Variants in SH3PXD2A observed in about 807,000 individuals in gnomAD.
The protein encoded by SH3PXD2A is SH3 and PX domain-containing protein 2A.
In SH3PXD2A, 32 loss-of-function variants were observed where a neutral mutation model predicts 115.2. The observed-to-expected ratio is 0.28, with a 90% confidence interval of 0.21 to 0.37. The LOEUF is 0.37. Among genes scored for constraint, SH3PXD2A ranks in the 10% least tolerant of loss-of-function variants. The pLI, the probability that SH3PXD2A is intolerant of heterozygous loss-of-function variation, is 1.00. For missense variants in SH3PXD2A, 1,328 were observed against 1,498.7 expected (o/e 0.89, Z 1.88); for synonymous variants, 610 against 629.1 (o/e 0.97, Z 0.45).
chr10:103,748,600 G>C (rs1195610307), intron 3 of SH3PXD2A, among the ~76,000 whole-genome samples: 4 of 152,222 alleles, frequency 2.6e-5, no homozygotes, highest in African/African-American at 9.6e-5. Flanking sequence ...ACACGCAGGA[G>C]GGAGACAGGG....
chr10:103,770,765 G>C (rs1456662737), intron 2 of SH3PXD2A, among the ~76,000 whole-genome samples: 1 of 152,164 alleles, frequency 6.6e-6, no homozygotes, highest in Non-Finnish European at 1.5e-5. Context: ...TATCCTGGTG[G>C]TGGGATATTG....
At chr10:103,634,767 A>C (rs989857832) in intron 8 of SH3PXD2A, among the ~76,000 whole-genome samples, 10 of 152,180 alleles carry the variant, frequency 6.6e-5, no homozygotes, top group Non-Finnish European at 1.3e-4. Flanking sequence ...AGGGGTATTC[A>C]GTCAGAAAGA....
chr10:103,734,934 G>A lies in SH3PXD2A; in HGVS notation c.306+798C>T, dbSNP rs536921864. Among the ~76,000 whole-genome samples, 8 of 152,288 alleles carry A rather than the reference G, an allele frequency of 5.3e-5. No individual in the cohort carries two copies. In the East Asian group the frequency reaches 7.7e-4, roughly 15 times the overall value. On this transcript the variant is annotated intron_variant, in intron 4 of 14. Transcript: ENST00000369774. ...AGCTCATTCCATCCTCATGACCACC[G>A]TGTGGAGGCACCCTGTGTGTTCTCC...
At chr10:103,646,073 T>G (rs2037032377) in intron 8 of SH3PXD2A, among the ~76,000 whole-genome samples, 1 of 152,012 alleles carries the variant, frequency 6.6e-6, no homozygotes, top group Non-Finnish European at 1.5e-5. Context: ...ATATAGGAGG[T>G]GCTTTAATAA....
chr10:103,760,219 G>A (rs1465859698), intron 3 of SH3PXD2A, among the ~76,000 whole-genome samples: 1 of 152,158 alleles, frequency 6.6e-6, no homozygotes, highest in African/African-American at 2.4e-5. Flanking sequence ...ATCTGAGCCC[G>A]TCTTGTCACA....
intron 3 of SH3PXD2A, among the ~76,000 whole-genome samples, chr10:103,753,153 G>T (rs2038598212): frequency 6.6e-6 from 1 of 151,584 alleles, no homozygotes; most frequent in South Asian, 2.1e-4. Context: ...GTACATCTTT[G>T]GTCAATCCCA....
intron 1 of SH3PXD2A, among the ~76,000 whole-genome samples, chr10:103,814,872 G>A (rs1157403034): frequency 6.6e-6 from 1 of 152,142 alleles, no homozygotes; most frequent in African/African-American, 2.4e-5. Flanking sequence ...AAAATGGGGT[G>A]GTGACTGAAA....
chr10:103,726,588 T>C (rs2038244265), intron 4 of SH3PXD2A, among the ~76,000 whole-genome samples: 1 of 152,106 alleles, frequency 6.6e-6, no homozygotes, highest in African/African-American at 2.4e-5. Flanking sequence ...AAGAAATGAA[T>C]GAAAAATGGA....
chr10:103,676,741 G>A (rs1287924513), intron 6 of SH3PXD2A, among the ~76,000 whole-genome samples: 4 of 152,046 alleles, frequency 2.6e-5, no homozygotes, highest in African/African-American at 7.2e-5. Context: ...CTTGGGTTGC[G>A]GCCTCCCCCT....
intron 10 of SH3PXD2A, among the ~76,000 whole-genome samples, chr10:103,619,149 T>G (rs1393965429): frequency 1.3e-5 from 2 of 152,202 alleles, no homozygotes; most frequent in East Asian, 3.8e-4. Context: ...TCTGGAGGCT[T>G]TCAGATTCCA....
chr10:103,735,709 C>T (rs1227087915), intron 4 of SH3PXD2A, 23 bp downstream of exon 4: 2 of 1,569,204 alleles, frequency 1.3e-6, no homozygotes, highest in African/African-American at 1.3e-5. Flanking sequence ...GAGCCCCTCC[C>T]CCAGCCCCAG....
chr10:103,797,128 T>A (rs562357318), intron 2 of SH3PXD2A, among the ~76,000 whole-genome samples: 140 of 152,230 alleles, frequency 9.2e-4, no homozygotes, highest in African/African-American at 3.3e-3. Context: ...CCTCTCAAGG[T>A]GCTGGGATTA....
At chr10:103,795,080 T>G (rs1192186775) in intron 2 of SH3PXD2A, among the ~76,000 whole-genome samples, 1 of 152,200 alleles carries the variant, frequency 6.6e-6, no homozygotes, top group Non-Finnish European at 1.5e-5. Flanking sequence ...AATAGAATTT[T>G]CTGTGATAAT....
chr10:103,768,605 C>G (rs942105880), intron 2 of SH3PXD2A, among the ~76,000 whole-genome samples: 2 of 152,112 alleles, frequency 1.3e-5, no homozygotes, highest in African/African-American at 4.8e-5. Context: ...CAGAGACAGA[C>G]GATCTGCTTC....
chr10:103,732,886 G>A (rs2038338703), intron 4 of SH3PXD2A, among the ~76,000 whole-genome samples: 1 of 152,160 alleles, frequency 6.6e-6, no homozygotes, highest in African/African-American at 2.4e-5. Context: ...GGCTGGGGTC[G>A]GCCGGTGATG....
At chr10:103,719,713 T>TC (rs1406660422) in intron 5 of SH3PXD2A, among the ~76,000 whole-genome samples, 1 of 143,468 alleles carries the variant, frequency 7.0e-6, no homozygotes, top group Admixed American at 7.1e-5. Flanking sequence ...TTCTTTTTTT[T>TC]TTTCTTTCTT....
intron 2 of SH3PXD2A, among the ~76,000 whole-genome samples, chr10:103,798,812 C>G (rs1242760099): frequency 6.6e-6 from 1 of 152,224 alleles, no homozygotes; most frequent in Non-Finnish European, 1.5e-5. Flanking sequence ...TCTGAATACG[C>G]CGGCAGGGAC....
intron 6 of SH3PXD2A, among the ~76,000 whole-genome samples, chr10:103,684,337 T>G (rs1352528965): frequency 6.6e-6 from 1 of 150,916 alleles, no homozygotes; most frequent in Non-Finnish European, 1.5e-5. Flanking sequence ...AGGAGGAGAA[T>G]AGAGGAACTT....
intron 6 of SH3PXD2A, among the ~76,000 whole-genome samples, chr10:103,672,599 G>C (rs2037478849): frequency 1.3e-5 from 2 of 152,260 alleles, no homozygotes; most frequent in African/African-American, 4.8e-5. Context: ...CTTGGTTCTT[G>C]TGCTGGCTTT....
Sources: allele counts gnomAD v4.1 joint callset (sites outside exome capture counted in the v4.1 genomes callset), GRCh38; gene constraint gnomAD v4.1.1; transcripts MANE v1.5; gene names NCBI Gene and HGNC (gene_info 2026-07-23, HGNC 2026-07-21).